Variants in MSH6 observed in about 807,000 individuals in gnomAD.
MSH6 encodes the protein DNA mismatch repair protein Msh6.
MSH6 carries 85 observed loss-of-function variants against 119.1 expected under a neutral mutation model. The ratio of observed to expected loss-of-function variants is 0.71; its 90% CI spans 0.60 to 0.85. The LOEUF is 0.85. MSH6 is among the 40% of genes least tolerant of loss of function. The pLI, the probability that MSH6 is intolerant of heterozygous loss-of-function variation, is 0.00. For synonymous variants in MSH6, 830 were observed against 586.9 expected (o/e 1.41, Z -5.99); for missense variants, 2,163 against 1,655.3 (o/e 1.31, Z -5.32).
chr2:47,792,242 G>C (rs1668777542), intron 2 of MSH6, among the ~76,000 whole-genome samples: 1 of 152,124 alleles, frequency 6.6e-6, no homozygotes, highest in Admixed American at 6.6e-5. Context: ...GCCCATTTCG[G>C]CCTCCCAAGA....
chr2:47,788,249 T>TC (rs201621881), intron 1 of MSH6, among the ~76,000 whole-genome samples: 3 of 61,250 alleles, frequency 4.9e-5, no homozygotes, highest in Non-Finnish European at 1.1e-4. Flanking sequence ...TTTCTTTCTT[T>TC]TTTTTTTTTT....
intron 2 of MSH6, among the ~76,000 whole-genome samples, chr2:47,795,448 G>GTA (rs1553411300): frequency 1.4e-5 from 2 of 139,698 alleles, no homozygotes; most frequent in East Asian, 2.0e-4. Flanking sequence ...GTGTGTGTGT[G>GTA]TATACATATA....
intron 1 of MSH6, among the ~76,000 whole-genome samples, chr2:47,788,246 CTT>C (rs560110301): frequency 0.11 from 9,707 of 89,110 alleles, 461 homozygotes; most frequent in Non-Finnish European, 0.15. Flanking sequence ...TTCTTTCTTT[CTT>C]TTTTTTTTTT....
At chr2:47,809,659 A>T (rs1670473144), downstream of MSH6, 1 of 1,613,566 alleles carries the variant, frequency 6.2e-7, no homozygotes, top group African/African-American at 1.3e-5. Flanking sequence ...GTTGTTAAAA[A>T]TCTGATTGCC....
chr2:47,798,032 CCTT>C (rs1488480548), intron 3 of MSH6: 4 of 213,110 alleles, frequency 1.9e-5, no homozygotes, highest in East Asian at 2.2e-4. Flanking sequence ...GAATCCTTGC[CCTT>C]CTTGTATTAT....
chr2:47,801,125 C>G lies in MSH6; in HGVS notation c.3142C>G (p.Gln1048Glu), dbSNP rs200492211. The G allele has an allele frequency of 6.2e-7, 1 of 1,612,064 alleles. No homozygotes were observed. Among genetic ancestry groups the G allele is most frequent in the Admixed American group, 1.7e-5 (1 of 59,864 alleles). ...YNFDKNYKDW[Q>E]SAVECIAVLD... Reference sequence around the variant, plus strand: ...CTTTGATAAAAATTACAAGGACTGGCAGTCTGCTGTAGAGTGTATCGCAGT... The same window carrying G: ...CTTTGATAAAAATTACAAGGACTGGGAGTCTGCTGTAGAGTGTATCGCAGT... The change falls in exon 4 of 10, where the codon CAG (glutamine) becomes GAG (glutamate). Residue 1048 changes from glutamine (Q) to glutamate (E), a missense_variant. Physicochemically the swap from Gln to Glu is conservative, Grantham distance 29 (BLOSUM62 2). Coordinates refer to ENST00000234420, the MANE Select transcript of MSH6 (RefSeq NM_000179.3).
At chr2:47,788,925 T>TTTTTTGTTTTTTTTG (rs1668547201) in intron 1 of MSH6, among the ~76,000 whole-genome samples, 3 of 73,136 alleles carry the variant, frequency 4.1e-5, no homozygotes, top group African/African-American at 2.0e-4. Flanking sequence ...TTTTTTTGTT[T>TTTTTTGTTTTTTTTG]TTTTTTTTTT....
intron 1 of MSH6, among the ~76,000 whole-genome samples, chr2:47,787,566 GC>G (rs1307710561): frequency 5.9e-5 from 9 of 152,100 alleles, no homozygotes; most frequent in Non-Finnish European, 7.3e-5. Context: ...CTCACTTAAA[GC>G]TTTAAAAGCA....
rs587779264 is a variant in MSH6 at position 47,804,940 on chromosome 2, G to A, written c.3469G>A (p.Gly1157Ser). 4.3e-6 allele frequency: 7 copies of A among 1,614,096 alleles called. No homozygotes were observed. The highest frequency in any genetic ancestry group is 5.9e-6 in the Non-Finnish European group (7 of 1,180,006). ...AGLLAVMAQMGCYVPAEVCRL... is the reference protein window; with the variant it reads ...AGLLAVMAQMSCYVPAEVCRL... ...CTTATTAGCTGTAATGGCCCAGATG[G>A]GTTGTTACGTCCCTGCTGAAGTGTG... Residue 1157 changes from glycine to serine, a missense_variant, in exon 6 of 10, where the codon GGT becomes AGT. Physicochemically the swap from Gly to Ser is moderately conservative, Grantham distance 56. Transcript: ENST00000234420.
intron 1 of MSH6, among the ~76,000 whole-genome samples, chr2:47,786,154 T>G (rs1378010383): frequency 6.6e-6 from 1 of 152,006 alleles, no homozygotes; most frequent in Non-Finnish European, 1.5e-5. Context: ...CTTAGACAGA[T>G]TATAGTGAGA....
intron 1 of MSH6, chr2:47,784,338 A>G: frequency 1.3e-6 from 1 of 772,636 alleles, no homozygotes; most frequent in Non-Finnish European, 1.6e-6. Context: ...AAATAGTGTA[A>G]TTTTTATGGG....
chr2:47,783,422 C>T lies in MSH6; in HGVS notation c.189C>T (p.Ser63=), dbSNP rs917331457. ...AGPGPRPLAR[S]ASPPKAKNLN... ...CTGGGCCCAGGCCCTTGGCGCGCTC[C>T]GCGTCACCGCCCAAGGCGAAGAACC... is the stretch of plus-strand genomic sequence containing the variant. Residue 63 remains serine, a synonymous_variant, in exon 1 of 10, where the codon TCC becomes TCT. Coordinates refer to ENST00000234420, the MANE Select transcript of MSH6 (RefSeq NM_000179.3). 4 of 1,508,494 alleles carry T rather than the reference C, an allele frequency of 2.7e-6. No individual in the cohort carries two copies. Among genetic ancestry groups the T allele is most frequent in the East Asian group, 2.6e-5 (1 of 38,910 alleles). 93.4% of individuals were successfully genotyped at this position (1,508,494 alleles called of 1,614,324 possible). A position where few individuals can be genotyped will look rare whatever the true frequency, so the allele number is the denominator to read the frequency against.
In MSH6 at chr2:47,805,002, TG is replaced by T. The variant is rs2104509253; in HGVS notation, c.3533del (p.Gly1178ValfsTer6). ...CAATTGATAGAGTGTTTACTAGACTTGGTGCCTCAGACAGAATAATGTCAGG... is the reference window on the plus strand; with the variant it reads ...CAATTGATAGAGTGTTTACTAGACTTGTGCCTCAGACAGAATAATGTCAGG... ...TPIDRVFTRL[G>X]ASDRIMSGES... On this transcript the variant is annotated frameshift_variant, in exon 6 of 10. Coordinates refer to ENST00000234420, the MANE Select transcript of MSH6 (RefSeq NM_000179.3). LOFTEE classifies it high-confidence loss of function. 1 of 1,613,794 alleles carries T rather than the reference TG, an allele frequency of 6.2e-7. No homozygotes were observed. The highest frequency in any genetic ancestry group is 8.5e-7 in the Non-Finnish European group (1 of 1,179,688).
In MSH6 at chr2:47,803,568, T is replaced by G. The variant is rs1258021186; in HGVS notation, c.3321T>G (p.Asp1107Glu). Residue 1107 changes from aspartate to glutamate, a missense_variant, in exon 5 of 10, where the codon GAT becomes GAG. Asp to Glu is a conservative substitution (Grantham distance 45). Coordinates refer to ENST00000234420, the MANE Select transcript of MSH6 (RefSeq NM_000179.3). ...TTACGAAGACTTTTTTTGGAGATGA[T>G]TTTATTCCTAATGACATTCTAATAG... ...PCITKTFFGD[D>E]FIPNDILIGC... is the part of the protein sequence containing the mutation. The G allele has an allele frequency of 3.7e-6, 6 of 1,614,030 alleles. No individual in the cohort carries two copies. Among genetic ancestry groups the G allele is most frequent in the Non-Finnish European group, 5.1e-6 (6 of 1,180,028 alleles).
chr2:47,804,551 G>C (rs72809591), intron 5 of MSH6, among the ~76,000 whole-genome samples: 1 of 23,520 alleles, frequency 4.3e-5, no homozygotes, highest in Non-Finnish European at 7.1e-5. Flanking sequence ...AAAAAAAAAA[G>C]GTGCAGAGAT....
intron 1 of MSH6, chr2:47,784,634 G>C (rs560969114): frequency 6.6e-6 from 1 of 152,164 alleles, no homozygotes; most frequent in Admixed American, 6.5e-5. Context: ...CGCCAATTTT[G>C]TATTTTTAGT....
chr2:47,804,705 C>G (rs1350109765), intron 5 of MSH6, among the ~76,000 whole-genome samples: 1 of 152,146 alleles, frequency 6.6e-6, no homozygotes, highest in Non-Finnish European at 1.5e-5. Flanking sequence ...GTTTTAAAGG[C>G]CAGGTGAGGC....
At position 47,802,951 on chromosome 2, in the gene MSH6, G is replaced by A. The variant is rs377013807; in HGVS notation, c.3173-469G>A. ...TTTTTTGAGACAGAGTCTCTCTGTC[G>A]CCCAGGCTGGAGTGCATTGGTGCGA... On this transcript the variant is annotated intron_variant, in intron 4 of 9. Coordinates refer to ENST00000234420, the MANE Select transcript of MSH6 (RefSeq NM_000179.3). Among the ~76,000 whole-genome samples the A allele has an allele frequency of 1.2e-4, 19 of 152,130 alleles. No individual in the cohort carries two copies. In the East Asian group the frequency reaches 2.1e-3, roughly 17 times the overall value.
chr2:47,801,481 C>G (rs1669595159), intron 4 of MSH6: 1 of 303,710 alleles, frequency 3.3e-6, no homozygotes, highest in Non-Finnish European at 6.1e-6. Flanking sequence ...GATCTTTCCA[C>G]CTCAGCCTCC....
Sources: allele counts gnomAD v4.1 joint callset (sites outside exome capture counted in the v4.1 genomes callset), GRCh38; gene constraint gnomAD v4.1.1; transcripts MANE v1.5; gene names NCBI Gene and HGNC (gene_info 2026-07-23, HGNC 2026-07-21).